EIF4G3: variants seen among roughly 807,000 people sequenced by gnomAD.
EIF4G3 encodes eIF-4-gamma 3.
A neutral mutation model predicts 186.4 loss-of-function variants in EIF4G3; 34 were observed. The observed-to-expected ratio is 0.18, with a 90% confidence interval of 0.14 to 0.24. The LOEUF is 0.24. Among genes scored for constraint, EIF4G3 ranks in the 10% least tolerant of loss-of-function variants. The probability of loss-of-function intolerance (pLI) is 1.00; values close to 1 mark genes in which losing one functional copy is unlikely to be tolerated. For synonymous variants in EIF4G3, 673 were observed against 679.5 expected (o/e 0.99, Z 0.15); for missense variants, 1,536 against 1,948.5 (o/e 0.79, Z 3.99).
At chr1:21,119,153 G>T (rs2096882612) in intron 2 of EIF4G3, among the ~76,000 whole-genome samples, 2 of 152,080 alleles carry the variant, frequency 1.3e-5, no homozygotes, top group South Asian at 4.2e-4. Context: ...AATAATTAAA[G>T]ATTATTCTGA....
Position 21,050,992 on chromosome 1 carries a change from T to A in EIF4G3, c.-193A>T, listed in dbSNP as rs1367499451. ...TTCCCGGCTGTCTTGCCACTTGTGT[T>A]ACCTGTGAGGAAATCAATATTTAGT... On this transcript the variant is annotated splice_region_variant and 5_prime_UTR_variant, in exon 4 of 37. Transcript: ENST00000602326. The A allele has an allele frequency of 2.8e-6, 2 of 717,628 alleles. No homozygotes were observed. Among genetic ancestry groups the A allele is most frequent in the East Asian group, 2.7e-5 (1 of 37,282 alleles). 44.5% of individuals were successfully genotyped at this position (717,628 alleles called of 1,614,324 possible).
chr1:20,922,592 C>A (rs897742465), intron 14 of EIF4G3, among the ~76,000 whole-genome samples: 1 of 152,194 alleles, frequency 6.6e-6, no homozygotes, highest in Non-Finnish European at 1.5e-5. Context: ...CCACCACGTC[C>A]AGCATTCAAG....
chr1:21,159,699 G>C (rs2097726941), intron 2 of EIF4G3, among the ~76,000 whole-genome samples: 4 of 152,164 alleles, frequency 2.6e-5, no homozygotes, highest in Non-Finnish European at 5.9e-5. Context: ...AGGTATGGTG[G>C]CTCATGCCTG....
At chr1:21,073,807 T>G in intron 3 of EIF4G3, 1 of 313,756 alleles carries the variant, frequency 3.2e-6, no homozygotes, top group Non-Finnish European at 6.5e-6. Flanking sequence ...CTGGAAGAGA[T>G]ATTTTTATTT....
At chr1:21,142,373 A>C (rs2097355654) in intron 2 of EIF4G3, among the ~76,000 whole-genome samples, 1 of 151,474 alleles carries the variant, frequency 6.6e-6, no homozygotes, top group Non-Finnish European at 1.5e-5. Flanking sequence ...AGTGTGGTGC[A>C]CCATGTGCCT....
At chr1:21,173,433 T>G (rs1019559829) in intron 2 of EIF4G3, among the ~76,000 whole-genome samples, 2 of 152,106 alleles carry the variant, frequency 1.3e-5, no homozygotes, top group African/African-American at 4.8e-5. Flanking sequence ...ATGCCTGTAA[T>G]CCCAGCACTT....
chr1:20,890,059 G>A (rs1257637619), intron 18 of EIF4G3, among the ~76,000 whole-genome samples: 2 of 151,520 alleles, frequency 1.3e-5, no homozygotes, highest in African/African-American at 4.9e-5. Context: ...TACAGCCTCC[G>A]CCTCCCGGGT....
intron 14 of EIF4G3, among the ~76,000 whole-genome samples, chr1:20,923,851 A>G (rs185138626): frequency 1.4e-4 from 21 of 151,310 alleles, no homozygotes; most frequent in Admixed American, 1.2e-3. Context: ...GTCTCTCTAC[A>G]AAATTATCAA....
At chr1:21,103,701 G>A (rs1488463224) in intron 2 of EIF4G3, among the ~76,000 whole-genome samples, 1 of 152,044 alleles carries the variant, frequency 6.6e-6, no homozygotes, top group African/African-American at 2.4e-5. Flanking sequence ...AAAATTAGCC[G>A]AGTGTGGTGG....
At chr1:20,964,491 T>C (rs1202726794) in intron 12 of EIF4G3, among the ~76,000 whole-genome samples, 4 of 152,170 alleles carry the variant, frequency 2.6e-5, no homozygotes, top group East Asian at 1.9e-4. Context: ...TTTTAAGACT[T>C]TGAAGAACAG....
At chr1:20,966,232 T>C (rs2074621407) in intron 12 of EIF4G3, among the ~76,000 whole-genome samples, 1 of 152,224 alleles carries the variant, frequency 6.6e-6, no homozygotes, top group African/African-American at 2.4e-5. Flanking sequence ...GTATTTACTG[T>C]TGAATCCTAA....
At chr1:21,158,334 C>T (rs540419829) in intron 2 of EIF4G3, among the ~76,000 whole-genome samples, 1 of 151,676 alleles carries the variant, frequency 6.6e-6, no homozygotes, top group Non-Finnish European at 1.5e-5. Flanking sequence ...TACCACCATG[C>T]CCAGGTAATT....
At chr1:20,963,337 T>G (rs2073860371) in intron 12 of EIF4G3, among the ~76,000 whole-genome samples, 1 of 151,958 alleles carries the variant, frequency 6.6e-6, no homozygotes, top group African/African-American at 2.4e-5. Context: ...TGAAAAAAAT[T>G]ATCATATAAA....
intron 29 of EIF4G3, among the ~76,000 whole-genome samples, chr1:20,847,356 A>C (rs1030676862): frequency 1.3e-5 from 2 of 152,202 alleles, no homozygotes; most frequent in Non-Finnish European, 2.9e-5. Context: ...GAAATTCTAA[A>C]GATACAACGA....
intron 2 of EIF4G3, chr1:21,111,667 C>T (rs901055875): frequency 3.8e-5 from 6 of 159,756 alleles, no homozygotes; most frequent in Admixed American, 3.0e-4. Context: ...TCATGACATA[C>T]AAAAAAGAAA....
Position 20,853,336 on chromosome 1 carries a change from G to T in EIF4G3, c.3551+224C>A, listed in dbSNP as rs184310683. Among the ~76,000 whole-genome samples the T allele has an allele frequency of 3.9e-5, 6 of 152,212 alleles. No homozygotes were observed. In the South Asian group the frequency reaches 6.2e-4, roughly 16 times the overall value. On this transcript the variant is annotated intron_variant, in intron 27 of 36. Transcript: ENST00000602326. The stretch of plus-strand genomic sequence containing the variant: ...ACATGCCTCCAGGGCTGTTTGGGTG[G>T]GCCTAGCTTTCTTAAGAATCCCTTC...
At chr1:20,890,273 T>C (rs2085579808) in intron 18 of EIF4G3, among the ~76,000 whole-genome samples, 2 of 151,454 alleles carry the variant, frequency 1.3e-5, no homozygotes, top group Non-Finnish European at 1.5e-5. Flanking sequence ...GAAAAGTTTA[T>C]ATTAGAAGTC....
intron 4 of EIF4G3, among the ~76,000 whole-genome samples, chr1:21,049,620 C>T (rs2094100269): frequency 1.3e-5 from 2 of 152,178 alleles, no homozygotes; most frequent in South Asian, 4.1e-4. Context: ...ACTGTACATT[C>T]CTTTTCCAAA....
In EIF4G3 at chr1:20,981,745, C is replaced by T. The variant is rs1311097470; in HGVS notation, c.199-518G>A. On this transcript the variant is annotated intron_variant, in intron 8 of 36. Transcript: ENST00000602326. The stretch of plus-strand genomic sequence containing the variant: ...TGTATACGCACATACTGTATATACA[C>T]ATACATATATGTATACACACATACT... 1.4e-5 allele frequency among the ~76,000 whole-genome samples: 2 copies of T among 143,518 alleles called. 1 individual carries two copies. Among genetic ancestry groups the T allele is most frequent in the Non-Finnish European group, 3.1e-5 (2 of 63,870 alleles). 94.2% of individuals were successfully genotyped at this position (143,518 alleles called of 152,430 possible). A position where few individuals can be genotyped will look rare whatever the true frequency, so the allele number is the denominator to read the frequency against.
Sources: allele counts gnomAD v4.1 joint callset (sites outside exome capture counted in the v4.1 genomes callset), GRCh38; gene constraint gnomAD v4.1.1; transcripts MANE v1.5; gene names NCBI Gene and HGNC (gene_info 2026-07-23, HGNC 2026-07-21).